Variants in NRXN3 observed in about 807,000 individuals in gnomAD.
NRXN3 encodes the protein neurexin III.
A neutral mutation model predicts 137.6 loss-of-function variants in NRXN3; 32 were observed. That is an observed-to-expected ratio of 0.23 (90% CI 0.18 to 0.31). The LOEUF is 0.31. Ranked by LOEUF, NRXN3 falls within the 10% of genes least tolerant of loss-of-function variation. The pLI is 1.00. For synonymous variants in NRXN3, 798 were observed against 784.5 expected (o/e 1.02, Z -0.29); for missense variants, 1,574 against 2,062.5 (o/e 0.76, Z 4.59).
intron 1 of NRXN3, among the ~76,000 whole-genome samples, chr14:78,225,541 T>G (rs1349759378): frequency 3.3e-5 from 5 of 151,840 alleles, no homozygotes; most frequent in Admixed American, 1.3e-4. Flanking sequence ...TTTCTCCCAT[T>G]TTGTAGGTTG....
intron 19 of NRXN3, among the ~76,000 whole-genome samples, chr14:79,783,366 T>TA (rs1198306831): frequency 6.6e-6 from 1 of 152,192 alleles, no homozygotes; most frequent in Admixed American, 6.5e-5. Flanking sequence ...ATTTAAATGT[T>TA]ACAGATTGCT....
chr14:79,668,292 C>T (rs1487703390), intron 17 of NRXN3, among the ~76,000 whole-genome samples: 1 of 152,034 alleles, frequency 6.6e-6, no homozygotes, highest in Non-Finnish European at 1.5e-5. Flanking sequence ...TGCTATGGTA[C>T]TTATAAAACA....
intron 2 of NRXN3, among the ~76,000 whole-genome samples, chr14:78,252,852 C>A (rs151037618): frequency 6.6e-6 from 1 of 152,182 alleles, no homozygotes; most frequent in African/African-American, 2.4e-5. Context: ...TACCCACTTG[C>A]GAGGAGGGAT....
intron 14 of NRXN3, among the ~76,000 whole-genome samples, chr14:78,986,228 A>G (rs766459647): frequency 6.6e-6 from 1 of 152,106 alleles, no homozygotes; most frequent in Non-Finnish European, 1.5e-5. Flanking sequence ...TACCCTGTCA[A>G]GTGCTTTTAT....
chr14:79,484,943 CT>C (rs2096642024), intron 16 of NRXN3, among the ~76,000 whole-genome samples: 1 of 152,030 alleles, frequency 6.6e-6, no homozygotes, highest in Non-Finnish European at 1.5e-5. Flanking sequence ...CTTTTAAAAT[CT>C]TTCATATTAA....
intron 10 of NRXN3, among the ~76,000 whole-genome samples, chr14:78,890,198 G>A (rs910746644): frequency 2.0e-5 from 3 of 151,918 alleles, no homozygotes; most frequent in African/African-American, 7.2e-5. Context: ...GCAGCCATGA[G>A]AAACGAATAC....
intron 16 of NRXN3, among the ~76,000 whole-genome samples, chr14:79,529,111 A>G (rs2097147435): frequency 6.6e-6 from 1 of 152,170 alleles, no homozygotes; most frequent in Non-Finnish European, 1.5e-5. Context: ...AGCTGGGAGT[A>G]TGGGCCAGCT....
chr14:78,763,425 A>G (rs568658731), intron 8 of NRXN3, among the ~76,000 whole-genome samples: 4 of 152,256 alleles, frequency 2.6e-5, no homozygotes, highest in South Asian at 2.1e-4. Context: ...ATAGGCATAC[A>G]GTGTGTGGTG....
chr14:78,328,376 G>A (rs1054100317), intron 4 of NRXN3, among the ~76,000 whole-genome samples: 1 of 152,150 alleles, frequency 6.6e-6, no homozygotes, highest in Non-Finnish European at 1.5e-5. Context: ...TTTGATTCAT[G>A]TTCCCTGGGG....
chr14:79,633,269 C>A (rs2098375121), intron 16 of NRXN3: 1 of 152,114 alleles, frequency 6.6e-6, no homozygotes, highest in Non-Finnish European at 1.5e-5. Context: ...TTTATGTTCC[C>A]AGTCAGGTAA....
chr14:78,344,773 G>A (rs374438849), intron 4 of NRXN3, among the ~76,000 whole-genome samples: 4 of 152,180 alleles, frequency 2.6e-5, no homozygotes, highest in South Asian at 2.1e-4. Context: ...GTTCATTGCT[G>A]TATGGTTTTT....
At position 79,142,437 on chromosome 14, in the gene NRXN3, A is replaced by G. The variant is rs944294938; in HGVS notation, c.3262+154296A>G. On this transcript the variant is annotated intron_variant, in intron 15 of 20. Transcript: ENST00000335750. ...TGAGACTCCGTTTCAAAAAAAAAAA[A>G]GTAAAGGGCAGACAGAAGCTGGAGA... 4.6e-5 allele frequency among the ~76,000 whole-genome samples: 7 copies of G among 151,938 alleles called. No individual in the cohort carries two copies. The South Asian group carries it at 1.2e-3, about 27-fold the overall frequency.
intron 6 of NRXN3, among the ~76,000 whole-genome samples, chr14:78,678,570 C>T (rs184863844): frequency 1.3e-3 from 192 of 152,232 alleles, no homozygotes; most frequent in African/African-American, 4.3e-3. Flanking sequence ...TGCCAAATTG[C>T]TTTCCAAAGT....
At chr14:79,557,695 C>T (rs890466022) in intron 16 of NRXN3, among the ~76,000 whole-genome samples, 4 of 152,072 alleles carry the variant, frequency 2.6e-5, no homozygotes, top group Non-Finnish European at 5.9e-5. Context: ...AGAGTCATAA[C>T]CTTTTGGCTG....
intron 4 of NRXN3, among the ~76,000 whole-genome samples, chr14:78,549,619 A>AT (rs2096667745): frequency 6.6e-6 from 1 of 152,300 alleles, no homozygotes; most frequent in East Asian, 1.9e-4. Context: ...TATTTTTTGA[A>AT]TAAAAAAATA....
At chr14:78,930,293 G>A (rs2099317970) in intron 10 of NRXN3, among the ~76,000 whole-genome samples, 1 of 152,184 alleles carries the variant, frequency 6.6e-6, no homozygotes, top group Non-Finnish European at 1.5e-5. Context: ...TGAAATAGAA[G>A]TGAAGTGGAT....
At chr14:78,810,249 T>C (rs2098903325) in intron 9 of NRXN3, 69 bp from the exon 10 acceptor site, 1 of 938,230 alleles carries the variant, frequency 1.1e-6, no homozygotes, top group Non-Finnish European at 1.7e-6. Context: ...GGACTGATTG[T>C]TTTTGGATGT....
At chr14:79,648,907 A>G (rs939588483) in intron 16 of NRXN3, among the ~76,000 whole-genome samples, 23 of 152,310 alleles carry the variant, frequency 1.5e-4, no homozygotes, top group African/African-American at 5.3e-4. Flanking sequence ...CTATGCTTGT[A>G]GCTAGTTTCC....
At chr14:78,480,202 A>G (rs1176606615) in intron 4 of NRXN3, among the ~76,000 whole-genome samples, 1 of 152,184 alleles carries the variant, frequency 6.6e-6, no homozygotes, top group African/African-American at 2.4e-5. Context: ...CATGGGGCTT[A>G]TATTATAACA....
Sources: gnomAD v4.1 joint callset for allele counts (sites outside exome capture counted in the v4.1 genomes callset) on GRCh38, gnomAD v4.1.1 for gene constraint, MANE v1.5 for transcripts, NCBI Gene and HGNC (gene_info 2026-07-23, HGNC 2026-07-21) for gene names.